The following ZC2HC1A variants were observed in gnomAD, a reference collection of about 807,000 sequenced individuals.
ZC2HC1A encodes zinc finger C2HC-type containing 1A.
Under a neutral mutation model 40.7 loss-of-function variants are expected in ZC2HC1A, and 28 were observed. The observed-to-expected ratio is 0.69, with a 90% CI of 0.51 to 0.94. The LOEUF is 0.94. Among genes scored for constraint, ZC2HC1A ranks in the 40% least tolerant of loss-of-function variants. ZC2HC1A has a pLI of 0.00. For synonymous variants in ZC2HC1A, 129 were observed against 129.2 expected, an observed-to-expected ratio of 1.00 and a Z score of 0.01; for missense variants, 389 against 386.3, an observed-to-expected ratio of 1.01 and a Z score of -0.06.
rs533533564 is a variant in ZC2HC1A at position 78,705,110 on chromosome 8, G to A, written c.704+6597G>A. Among the ~76,000 whole-genome samples, 3 of 152,270 alleles carry A rather than the reference G, an allele frequency of 2.0e-5. No homozygotes were observed. The South Asian group carries it at 6.2e-4, about 32-fold the overall frequency. ...GAATTCTGCTTCTTTCATTTCAGCT[G>A]TCTCAGCCTCAGCCTGATTCTGAGG... is the stretch of plus-strand genomic sequence containing the variant. On this transcript the variant is annotated intron_variant, in intron 7 of 8. Coordinates refer to ENST00000263849, the MANE Select transcript of ZC2HC1A (RefSeq NM_016010.3).
At chr8:78,678,467 C>T (rs2130443115) in intron 2 of ZC2HC1A, 96 bp from the exon 3 acceptor site, 1 of 867,016 alleles carries the variant, frequency 1.2e-6, no homozygotes, top group Non-Finnish European at 1.8e-6. Context: ...TTCATTTGGT[C>T]TCAGATTTTT....
At chr8:78,701,992 T>G (rs1810620245) in intron 7 of ZC2HC1A, among the ~76,000 whole-genome samples, 1 of 152,196 alleles carries the variant, frequency 6.6e-6, no homozygotes, top group African/African-American at 2.4e-5. Context: ...CCTTATAGAA[T>G]GAACTAGAGT....
intron 2 of ZC2HC1A, 188 bp downstream of exon 2, chr8:78,676,051 G>A: frequency 2.4e-6 from 1 of 417,814 alleles, no homozygotes; most frequent in Non-Finnish European, 4.2e-6. Context: ...TTCAGAGTTT[G>A]GTCTTCAGAA....
intron 5 of ZC2HC1A, among the ~76,000 whole-genome samples, chr8:78,695,857 G>C (rs1234941785): frequency 6.6e-6 from 1 of 152,074 alleles, no homozygotes; most frequent in Non-Finnish European, 1.5e-5. Flanking sequence ...TTTTTTGTGT[G>C]ACCGTTTATC....
intron 5 of ZC2HC1A, among the ~76,000 whole-genome samples, chr8:78,690,509 T>G (rs993700701): frequency 2.0e-5 from 3 of 149,326 alleles, no homozygotes; most frequent in Non-Finnish European, 4.4e-5. Context: ...GCAGTGAGCC[T>G]AGATCATGCC....
intron 4 of ZC2HC1A, among the ~76,000 whole-genome samples, chr8:78,687,972 A>G (rs1332697791): frequency 1.4e-5 from 2 of 144,788 alleles, no homozygotes; most frequent in South Asian, 4.2e-4. Flanking sequence ...TTATATATAA[A>G]TATATATAAA....
At chr8:78,697,906 C>T (rs1019523255) in intron 6 of ZC2HC1A, among the ~76,000 whole-genome samples, 31 of 152,198 alleles carry the variant, frequency 2.0e-4, no homozygotes, top group African/African-American at 7.0e-4. Flanking sequence ...TCTCTATCTC[C>T]TGAACTCGTG....
intron 7 of ZC2HC1A, among the ~76,000 whole-genome samples, chr8:78,713,049 T>C (rs1012171446): frequency 2.6e-5 from 4 of 152,140 alleles, no homozygotes; most frequent in Admixed American, 2.0e-4. Context: ...CTGATTCTAC[T>C]GTCAGAACTC....
Position 78,689,238 on chromosome 8 carries a change from A to G in ZC2HC1A, c.369A>G (p.Pro123=), listed in dbSNP as rs757419307. ...CTGTTATAGATTATATTCAATGTCC[A>G]TATTGTCAGAGGAGATTCAATGAAA... ...PSYDPDYIQC[P]YCQRRFNENA... The change falls in exon 5 of 9, where the codon CCA becomes CCG. Residue 123 remains proline (P), a synonymous_variant. Coordinates refer to ENST00000263849, the MANE Select transcript of ZC2HC1A (RefSeq NM_016010.3). 2.5e-6 allele frequency: 4 copies of G among 1,577,792 alleles called. No homozygotes were observed. Among genetic ancestry groups the G allele is most frequent in the South Asian group, 2.4e-5 (2 of 84,792 alleles).
chr8:78,690,074 ATTGCTGAGGCACCTTGG>A (rs1810157552), intron 5 of ZC2HC1A, among the ~76,000 whole-genome samples: 1 of 152,196 alleles, frequency 6.6e-6, no homozygotes, highest in Admixed American at 6.5e-5. Context: ...TCCCTGATGA[ATTGCTGAGGCACCTTGG>A]TTGGAAATCA....
intron 4 of ZC2HC1A, among the ~76,000 whole-genome samples, chr8:78,687,860 ATAT>A (rs1810068355): frequency 8.7e-6 from 1 of 115,502 alleles, no homozygotes; most frequent in Non-Finnish European, 1.8e-5. Context: ...TATATAATAT[ATAT>A]CTATATAATA....
At chr8:78,709,407 A>C (rs1053241920) in intron 7 of ZC2HC1A, among the ~76,000 whole-genome samples, 1 of 152,162 alleles carries the variant, frequency 6.6e-6, no homozygotes, top group African/African-American at 2.4e-5. Context: ...CGTTATGTGA[A>C]TTTTTATGAA....
intron 7 of ZC2HC1A, among the ~76,000 whole-genome samples, chr8:78,709,490 A>G (rs1810886972): frequency 6.6e-6 from 1 of 152,188 alleles, no homozygotes; most frequent in Non-Finnish European, 1.5e-5. Context: ...TTATGTGGAT[A>G]ACAATGATTG....
chr8:78,698,258 T>C (rs1228536938), intron 6 of ZC2HC1A, among the ~76,000 whole-genome samples, 156 bp from the exon 7 acceptor site: 1 of 152,260 alleles, frequency 6.6e-6, no homozygotes, highest in East Asian at 1.9e-4. Flanking sequence ...ATGCTATATG[T>C]CGTCCTCTGG....
At chr8:78,685,661 A>G (rs974846651) in intron 3 of ZC2HC1A, among the ~76,000 whole-genome samples, 2 of 152,224 alleles carry the variant, frequency 1.3e-5, no homozygotes, top group African/African-American at 2.4e-5. Context: ...TTAGTAATTT[A>G]AAAAGGTGCT....
intron 5 of ZC2HC1A, among the ~76,000 whole-genome samples, chr8:78,691,588 G>C (rs1810212705): frequency 1.3e-5 from 2 of 151,718 alleles, no homozygotes; most frequent in African/African-American, 4.8e-5. Context: ...TTATTGATTT[G>C]CTTATGTTTA....
At chr8:78,666,468 T>C (rs1246343496) in intron 1 of ZC2HC1A, among the ~76,000 whole-genome samples, 1 of 152,238 alleles carries the variant, frequency 6.6e-6, no homozygotes, top group Admixed American at 6.5e-5. Flanking sequence ...GCTTGACTCC[T>C]GAGTGCCCTT....
intron 3 of ZC2HC1A, among the ~76,000 whole-genome samples, chr8:78,682,999 C>G (rs1333215463): frequency 2.0e-5 from 3 of 152,256 alleles, no homozygotes; most frequent in Non-Finnish European, 4.4e-5. Context: ...GACTCCATGT[C>G]TCACATCCAG....
intron 3 of ZC2HC1A, among the ~76,000 whole-genome samples, chr8:78,684,883 T>C (rs1275870483): frequency 1.3e-5 from 2 of 152,212 alleles, no homozygotes; most frequent in Non-Finnish European, 2.9e-5. Context: ...ATATATCCCA[T>C]ATTCTTGTAT....
Sources: gnomAD v4.1 joint callset for allele counts (sites outside exome capture counted in the v4.1 genomes callset) on GRCh38, gnomAD v4.1.1 for gene constraint, MANE v1.5 for transcripts, NCBI Gene and HGNC (gene_info 2026-07-23, HGNC 2026-07-21) for gene names.